Variants in CDKL1 observed in about 807,000 individuals in gnomAD.
CDKL1 encodes cyclin-dependent kinase-like 1.
Under a neutral mutation model 42.0 loss-of-function variants are expected in CDKL1, and 41 were observed. The ratio of observed to expected loss-of-function variants is 0.98; its 90% CI spans 0.76 to 1.27. The LOEUF (loss-of-function observed/expected upper bound fraction) is 1.27, where lower values mean the gene tolerates loss of function less well. Among genes scored for constraint, CDKL1 ranks in the 50% most tolerant of loss-of-function variants. The probability of loss-of-function intolerance (pLI) is 0.00; values close to 1 mark genes in which losing one functional copy is unlikely to be tolerated. For missense variants in CDKL1, 394 were observed against 428.4 expected (o/e 0.92, Z 0.71); for synonymous variants, 153 against 158.6 (o/e 0.96, Z 0.26).
In CDKL1 at chr14:50,329,494, T is replaced by C. The variant is rs1040967764; in HGVS notation, c.*580A>G. ...TAATTAAATTATAAATTACCAAGCTTTTGTGATAATTCATATGCTTTTAAA... is the reference window on the plus strand; with the variant it reads ...TAATTAAATTATAAATTACCAAGCTCTTGTGATAATTCATATGCTTTTAAA... On this transcript the variant is annotated 3_prime_UTR_variant, in exon 10 of 10. Coordinates refer to ENST00000395834, the MANE Select transcript of CDKL1 (RefSeq NM_004196.7). 6.6e-6 allele frequency: 1 copy of C among 152,318 alleles called. No individual in the cohort carries two copies. The highest frequency in any genetic ancestry group is 2.4e-5 in the African/African-American group (1 of 41,434). The allele number at this position is 152,318 out of a possible 1,614,324, so 9.4% of individuals were successfully genotyped here.
rs752714959 is a variant in CDKL1 at position 50,359,483 on chromosome 14, C to T, written c.169-334G>A. Among the ~76,000 whole-genome samples the T allele has an allele frequency of 5.9e-5, 9 of 152,060 alleles. 1 individual carries two copies. Among genetic ancestry groups the T allele is most frequent in the Non-Finnish European group, 1.2e-4 (8 of 68,000 alleles). ...CCTTCCTAGGGTCTCCATTAATCTCCTCACACTGGTTCAGTGCCTTGTATG... is the reference window on the plus strand; with the variant it reads ...CCTTCCTAGGGTCTCCATTAATCTCTTCACACTGGTTCAGTGCCTTGTATG... On this transcript the variant is annotated intron_variant, in intron 2 of 9. Transcript: ENST00000395834.
intron 7 of CDKL1, among the ~76,000 whole-genome samples, chr14:50,336,828 G>T (rs2033303189): frequency 6.7e-6 from 1 of 150,034 alleles, no homozygotes; most frequent in African/African-American, 2.5e-5. Context: ...TTAGTATTTT[G>T]ATATATATCC....
intron 6 of CDKL1, among the ~76,000 whole-genome samples, chr14:50,340,614 A>G (rs1470813783): frequency 1.3e-5 from 2 of 152,208 alleles, no homozygotes; most frequent in Non-Finnish European, 2.9e-5. Flanking sequence ...ATCATTCTCC[A>G]TAGAGTCTGA....
chr14:50,359,626 T>C (rs2034175464), intron 2 of CDKL1, among the ~76,000 whole-genome samples: 1 of 151,856 alleles, frequency 6.6e-6, no homozygotes, highest in Non-Finnish European at 1.5e-5. Flanking sequence ...CTGGTATCAA[T>C]AGCTACAATA....
intron 2 of CDKL1, among the ~76,000 whole-genome samples, chr14:50,387,529 A>G (rs1212188483): frequency 6.6e-6 from 1 of 151,976 alleles, no homozygotes; most frequent in Non-Finnish European, 1.5e-5. Flanking sequence ...ATCTCAAAAA[A>G]AAAAAAGACT....
Position 50,345,058 on chromosome 14 carries a change from C to A in CDKL1, c.291G>T (p.Gly97=). The A allele has an allele frequency of 6.2e-7, 1 of 1,613,252 alleles. No homozygotes were observed. The highest frequency in any genetic ancestry group is 8.5e-7 in the Non-Finnish European group (1 of 1,179,612). The change falls in exon 4 of 10, where the codon GGG becomes GGT. Residue 97 remains glycine, a splice_region_variant and synonymous_variant. Coordinates refer to ENST00000395834, the MANE Select transcript of CDKL1 (RefSeq NM_004196.7). ...TGCTCTTCACGAGATGTTCTGGTACCCTAATAAAAATAAAGCAGCACAAAC... is the reference window on the plus strand; with the variant it reads ...TGCTCTTCACGAGATGTTCTGGTACACTAATAAAAATAAAGCAGCACAAAC... ...VLHELDRYQR[G]VPEHLVKSIT... is the part of the protein sequence containing the mutation.
At chr14:50,374,253 CAG>C (rs1256017749) in intron 2 of CDKL1, among the ~76,000 whole-genome samples, 1 of 152,120 alleles carries the variant, frequency 6.6e-6, no homozygotes, top group East Asian at 1.9e-4. Context: ...TAACAGGTGT[CAG>C]GGGTTCAGAG....
intron 8 of CDKL1, chr14:50,332,915 T>C (rs1484072928): frequency 2.7e-5 from 10 of 368,778 alleles, no homozygotes; most frequent in Non-Finnish European, 4.3e-5. Context: ...TTTTTTTTTT[T>C]TTTTTTTTGG....
chr14:50,383,429 A>G (rs992542623), intron 2 of CDKL1, among the ~76,000 whole-genome samples: 3 of 151,926 alleles, frequency 2.0e-5, no homozygotes, highest in Non-Finnish European at 4.4e-5. Context: ...GTGTGCCTGT[A>G]ATCCCAGCTA....
chr14:50,332,632 G>A, intron 8 of CDKL1, 200 bp from the exon 9 acceptor site: 3 of 1,516,458 alleles, frequency 2.0e-6, no homozygotes, highest in African/African-American at 1.4e-5. Flanking sequence ...GTTTCTAGAA[G>A]TAGTAATGAA....
intron 2 of CDKL1, among the ~76,000 whole-genome samples, chr14:50,385,034 G>A (rs1187818753): frequency 4.0e-5 from 5 of 125,950 alleles, no homozygotes; most frequent in Non-Finnish European, 7.8e-5. Context: ...TCGCACCACT[G>A]CACTTAAGCC....
chr14:50,346,225 CAG>C (rs1311798733), intron 3 of CDKL1, among the ~76,000 whole-genome samples: 5 of 151,976 alleles, frequency 3.3e-5, no homozygotes, highest in Admixed American at 2.6e-4. Context: ...GGTGTTTGAA[CAG>C]AGAGTGGGAT....
At chr14:50,356,124 A>G (rs1257607051) in intron 3 of CDKL1, among the ~76,000 whole-genome samples, 1 of 152,226 alleles carries the variant, frequency 6.6e-6, no homozygotes, top group East Asian at 1.9e-4. Flanking sequence ...GGCACCAAGC[A>G]GGCTGGTAAC....
chr14:50,351,096 G>C lies in CDKL1; in HGVS notation c.291-6038C>G, dbSNP rs540116957. Among the ~76,000 whole-genome samples, 111 of 152,184 alleles carry C rather than the reference G, an allele frequency of 7.3e-4. 1 individual carries two copies. In the South Asian group the frequency reaches 0.022, roughly 30 times the overall value. On this transcript the variant is annotated intron_variant, in intron 3 of 9. Coordinates refer to ENST00000395834, the MANE Select transcript of CDKL1 (RefSeq NM_004196.7). ...GGAAGGGTGTGGGCGGGAGAGGGGG[G>C]TGTCATTTGAAATCCCTGGAGTCTA...
At chr14:50,361,779 G>A (rs980438227) in intron 2 of CDKL1, among the ~76,000 whole-genome samples, 4 of 152,362 alleles carry the variant, frequency 2.6e-5, no homozygotes, top group Admixed American at 2.0e-4. Flanking sequence ...TTTGTGAGAG[G>A]TGACAGCATG....
intron 2 of CDKL1, among the ~76,000 whole-genome samples, chr14:50,364,880 G>C (rs1262692519): frequency 1.3e-5 from 2 of 152,094 alleles, no homozygotes; most frequent in Non-Finnish European, 2.9e-5. Context: ...TAGCCCTAAG[G>C]ATATAGAGAC....
chr14:50,391,015 T>C (rs1196364023), intron 2 of CDKL1, among the ~76,000 whole-genome samples: 1 of 152,056 alleles, frequency 6.6e-6, no homozygotes, highest in Non-Finnish European at 1.5e-5. Context: ...TTCTATTTTT[T>C]GTAGAGATGG....
chr14:50,362,621 G>T (rs1400531823), intron 2 of CDKL1, among the ~76,000 whole-genome samples: 1 of 152,070 alleles, frequency 6.6e-6, no homozygotes, highest in African/African-American at 2.4e-5. Context: ...TGCACCAATC[G>T]ACACTCTGTA....
Position 50,341,204 on chromosome 14 carries a change from G to C in CDKL1, c.483C>G (p.Tyr161Ter). ...LTGPSDYYTD[Y>*]VATRWYRSPE... is the part of the protein sequence containing the mutation. ...GGGAGCGGTACCACCTGGTAGCCAC[G>C]TAGTCTGTATAGTAGTCACTCGGTC... is the stretch of plus-strand genomic sequence containing the variant. Residue 161 changes from tyrosine (Y) to a stop codon, truncating the protein, a stop_gained, in exon 6 of 10, where the codon TAC becomes TAG. Coordinates refer to ENST00000395834, the MANE Select transcript of CDKL1 (RefSeq NM_004196.7). LOFTEE classifies it high-confidence loss of function. 2 of 1,613,970 alleles carry C rather than the reference G, an allele frequency of 1.2e-6. No homozygotes were observed. Among genetic ancestry groups the C allele is most frequent in the Middle Eastern group, 1.7e-4 (1 of 6,060 alleles).
Sources: allele counts gnomAD v4.1 joint callset (sites outside exome capture counted in the v4.1 genomes callset), GRCh38; gene constraint gnomAD v4.1.1; transcripts MANE v1.5; gene names NCBI Gene and HGNC (gene_info 2026-07-23, HGNC 2026-07-21).